The following FBXO11 variants were observed in gnomAD, a reference collection of about 807,000 sequenced individuals.
FBXO11 encodes F-box protein 11.
A neutral mutation model predicts 117.0 loss-of-function variants in FBXO11; 13 were observed. The observed-to-expected ratio is 0.11, with a 90% confidence interval of 0.07 to 0.18. The LOEUF is 0.18. FBXO11 is among the 10% of genes least tolerant of loss of function. FBXO11 has a pLI of 1.00. For synonymous variants in FBXO11, 490 were observed against 380.5 expected (o/e 1.29, Z -3.35); for missense variants, 767 against 1,164.4 (o/e 0.66, Z 4.97).
chr2:47,869,843 T>A (rs770559396), intron 1 of FBXO11, among the ~76,000 whole-genome samples: 2 of 152,150 alleles, frequency 1.3e-5, no homozygotes, highest in Admixed American at 1.3e-4. Context: ...ACCTGGCTAA[T>A]TGTTTTATTT....
At chr2:47,866,474 G>GC (rs1041127318) in intron 1 of FBXO11, among the ~76,000 whole-genome samples, 2 of 142,224 alleles carry the variant, frequency 1.4e-5, no homozygotes, top group Non-Finnish European at 3.1e-5. Context: ...TAGCAAGTTT[G>GC]TTTTTTTTTT....
intron 13 of FBXO11, among the ~76,000 whole-genome samples, chr2:47,821,711 G>A (rs906941756): frequency 4.6e-5 from 7 of 152,256 alleles, no homozygotes; most frequent in African/African-American, 1.4e-4. Context: ...CTTGAACCTG[G>A]GAGGCAGGGG....
intron 4 of FBXO11, among the ~76,000 whole-genome samples, chr2:47,836,768 C>A (rs1257488705): frequency 6.6e-6 from 1 of 152,188 alleles, no homozygotes; most frequent in Non-Finnish European, 1.5e-5. Flanking sequence ...ATGATTATCA[C>A]TTAAAAAGAT....
At chr2:47,814,581 G>C (rs961272336) in intron 16 of FBXO11, among the ~76,000 whole-genome samples, 9 of 151,952 alleles carry the variant, frequency 5.9e-5, no homozygotes, top group Non-Finnish European at 2.9e-5. Flanking sequence ...GTTTTGCCAT[G>C]TTGCCCAGGC....
intron 1 of FBXO11, among the ~76,000 whole-genome samples, chr2:47,844,388 T>C (rs1673245135): frequency 6.6e-6 from 1 of 152,212 alleles, no homozygotes; most frequent in African/African-American, 2.4e-5. Context: ...CTAGGCCACA[T>C]GCCTGGGTCT....
chr2:47,810,728 A>G (rs1670552167), intron 18 of FBXO11: 1 of 234,114 alleles, frequency 4.3e-6, no homozygotes, highest in African/African-American at 2.3e-5. Flanking sequence ...ATTCTCAATG[A>G]GTATTGCTGA....
chr2:47,857,946 T>C (rs1409416645), intron 1 of FBXO11, among the ~76,000 whole-genome samples: 2 of 148,066 alleles, frequency 1.4e-5, no homozygotes, highest in Admixed American at 7.2e-5. Flanking sequence ...AATATATATA[T>C]ATACACACAC....
In FBXO11 at chr2:47,845,846, G is replaced by A. The variant is rs146224461; in HGVS notation, c.233-6077C>T. On this transcript the variant is annotated intron_variant, in intron 1 of 22. Transcript: ENST00000403359. The stretch of plus-strand genomic sequence containing the variant: ...TTTTACTCAATTCAGGGAGTTCTTC[G>A]TAGAAGCCATCACTAGTGGTGGCTT... Among the ~76,000 whole-genome samples the A allele has an allele frequency of 1.2e-3, 187 of 151,198 alleles. 1 individual carries two copies. Among genetic ancestry groups the A allele is most frequent in the African/African-American group, 4.2e-3 (174 of 41,242 alleles).
rs562381351 is a variant in FBXO11 at position 47,901,063 on chromosome 2, GTA to G, written c.232+4424_232+4425del. Among the ~76,000 whole-genome samples the G allele has an allele frequency of 1.8e-3, 192 of 107,638 alleles. 1 individual carries two copies. The highest frequency in any genetic ancestry group is 0.011 in the South Asian group (43 of 3,802). The allele number at this position is 107,638 out of a possible 152,430, so 70.6% of individuals were successfully genotyped here. On this transcript the variant is annotated intron_variant, in intron 1 of 22. Coordinates refer to ENST00000403359, the MANE Select transcript of FBXO11 (RefSeq NM_001190274.2). Reference sequence around the variant, plus strand: ...TGTGTACATATATACACATATATATGTATATATATACACACGTGTGTACATAT... The same window carrying G: ...TGTGTACATATATACACATATATATGTATATATACACACGTGTGTACATAT...
rs369959525 is a variant in FBXO11, at chr2:47,850,933, A to G, written c.233-11164T>C. The stretch of plus-strand genomic sequence containing the variant: ...TAGTTTTTCACGTTCAATATTTCCT[A>G]AGAGTCAAAATTCATAAAATACATA... On this transcript the variant is annotated intron_variant, in intron 1 of 22. Coordinates refer to ENST00000403359, the MANE Select transcript of FBXO11 (RefSeq NM_001190274.2). Among the ~76,000 whole-genome samples the G allele has an allele frequency of 9.8e-5, 15 of 152,332 alleles. No homozygotes were observed. The South Asian group carries it at 3.1e-3, about 32-fold the overall frequency.
At chr2:47,899,509 C>T (rs1023966195) in intron 1 of FBXO11, among the ~76,000 whole-genome samples, 4 of 152,156 alleles carry the variant, frequency 2.6e-5, no homozygotes, top group African/African-American at 9.7e-5. Context: ...GTGATTCCCA[C>T]TTGAAAGATC....
chr2:47,839,550 A>G, intron 2 of FBXO11, 50 bp from the exon 3 acceptor site: 1 of 1,604,438 alleles, frequency 6.2e-7, no homozygotes, highest in South Asian at 1.1e-5. Flanking sequence ...TATCATCCAT[A>G]ATCATTACTT....
intron 1 of FBXO11, among the ~76,000 whole-genome samples, chr2:47,856,189 T>A (rs1288968920): frequency 1.3e-5 from 2 of 152,186 alleles, no homozygotes; most frequent in East Asian, 1.9e-4. Context: ...CACAGTGATA[T>A]GTGGATCTCA....
chr2:47,881,203 G>T (rs1409411674), intron 1 of FBXO11, among the ~76,000 whole-genome samples: 3 of 152,178 alleles, frequency 2.0e-5, no homozygotes, highest in Non-Finnish European at 2.9e-5. Flanking sequence ...AGTGAGCCAA[G>T]ATTGCGCCAC....
intron 1 of FBXO11, among the ~76,000 whole-genome samples, chr2:47,848,612 A>G (rs1673604234): frequency 6.6e-6 from 1 of 152,202 alleles, no homozygotes; most frequent in South Asian, 2.1e-4. Context: ...TTTATTTTAT[A>G]ATTTCTAGAT....
At chr2:47,816,595 T>G (rs1271288616) in intron 16 of FBXO11, among the ~76,000 whole-genome samples, 1 of 152,192 alleles carries the variant, frequency 6.6e-6, no homozygotes, top group Non-Finnish European at 1.5e-5. Context: ...TACTGCTTTC[T>G]AAAAAGTATT....
chr2:47,815,167 A>G (rs1187371103), intron 16 of FBXO11, among the ~76,000 whole-genome samples: 1 of 152,134 alleles, frequency 6.6e-6, no homozygotes, highest in Non-Finnish European at 1.5e-5. Flanking sequence ...TCCTGGCCAT[A>G]AAAACGTTTA....
intron 1 of FBXO11, among the ~76,000 whole-genome samples, chr2:47,899,870 T>C (rs1290400353): frequency 2.7e-5 from 4 of 150,454 alleles, no homozygotes; most frequent in Admixed American, 6.7e-5. Flanking sequence ...CAGGGATAAA[T>C]AGGGGGACAA....
At position 47,822,412 on chromosome 2, in the gene FBXO11, T is replaced by C. The variant is rs542195233; in HGVS notation, c.1617-109A>G. ...TCATATAACAAATTACATAAACTTC[T>C]AAGGCCTCAATTTCTTCATTATTTC... On this transcript the variant is annotated intron_variant, in intron 12 of 22. Coordinates refer to ENST00000403359, the MANE Select transcript of FBXO11 (RefSeq NM_001190274.2). The C allele has an allele frequency of 6.2e-6, 4 of 640,594 alleles. No individual in the cohort carries two copies. The African/African-American group carries it at 7.6e-5, about 12-fold the overall frequency. 39.7% of individuals were successfully genotyped at this position (640,594 alleles called of 1,614,324 possible).
Sources: allele counts gnomAD v4.1 joint callset (sites outside exome capture counted in the v4.1 genomes callset), GRCh38; gene constraint gnomAD v4.1.1; transcripts MANE v1.5; gene names NCBI Gene and HGNC (gene_info 2026-07-23, HGNC 2026-07-21).